FOXN4: variants seen among roughly 807,000 people sequenced by gnomAD.
FOXN4 encodes forkhead box N4.
A neutral mutation model predicts 45.0 loss-of-function variants in FOXN4; 12 were observed. The ratio of observed to expected loss-of-function variants is 0.27; its 90% CI spans 0.17 to 0.43. FOXN4 has a LOEUF of 0.43. FOXN4 is among the 20% of genes least tolerant of loss of function. The pLI, the probability that FOXN4 is intolerant of heterozygous loss-of-function variation, is 1.00. For missense variants in FOXN4, 560 were observed against 694.9 expected, an observed-to-expected ratio of 0.81 and a Z score of 2.18; for synonymous variants, 297 against 295.0, an observed-to-expected ratio of 1.01 and a Z score of -0.07.
At chr12:109,285,867 C>CTTTT (rs10685255) in intron 7 of FOXN4, among the ~76,000 whole-genome samples, 1 of 140,788 alleles carries the variant, frequency 7.1e-6, no homozygotes, top group Admixed American at 7.1e-5. Context: ...TGCAAATTTA[C>CTTTT]TTTTTTTTTT....
chr12:109,292,936 TA>T (rs552550598), intron 2 of FOXN4, among the ~76,000 whole-genome samples: 6 of 152,288 alleles, frequency 3.9e-5, no homozygotes, highest in Non-Finnish European at 8.8e-5. Context: ...TCAATGGCAC[TA>T]TCCTGATTCT....
At chr12:109,295,057 C>T (rs1235329426) in intron 2 of FOXN4, among the ~76,000 whole-genome samples, 1 of 152,172 alleles carries the variant, frequency 6.6e-6, no homozygotes, top group Non-Finnish European at 1.5e-5. Flanking sequence ...CTCAGTTTCC[C>T]ACCTGTAAAA....
Position 109,292,877 on chromosome 12 carries a change from G to C in FOXN4, c.87-2591C>G, listed in dbSNP as rs558599501. Among the ~76,000 whole-genome samples the C allele has an allele frequency of 2.6e-5, 4 of 152,240 alleles. No individual in the cohort carries two copies. The East Asian group carries it at 5.8e-4, about 22-fold the overall frequency. ...CCCTATAGAGTGAGGATTACACGAA[G>C]TCACGTATAAAGGGCTGAGCACAAG... is the stretch of plus-strand genomic sequence containing the variant. On this transcript the variant is annotated intron_variant, in intron 2 of 9. Coordinates refer to ENST00000299162, the MANE Select transcript of FOXN4 (RefSeq NM_213596.3).
intron 2 of FOXN4, among the ~76,000 whole-genome samples, chr12:109,307,871 G>A (rs368482185): frequency 3.4e-4 from 52 of 151,402 alleles, no homozygotes; most frequent in African/African-American, 9.0e-4. Flanking sequence ...CTCCCAGAAG[G>A]TTTTTTTTTG....
chr12:109,298,344 G>GT (rs71079539), intron 2 of FOXN4, among the ~76,000 whole-genome samples: 5,964 of 131,744 alleles, frequency 0.045, 346 homozygotes, highest in African/African-American at 0.14. Context: ...TTTTTTTTTT[G>GT]TTTTTTTTTT....
At chr12:109,282,698 A>C (rs1049037326) in intron 8 of FOXN4, among the ~76,000 whole-genome samples, 2 of 151,924 alleles carry the variant, frequency 1.3e-5, no homozygotes, top group African/African-American at 4.8e-5. Context: ...AATCCTTAAC[A>C]CTCTTGGATA....
At chr12:109,308,414 T>C (rs1422308298) in intron 1 of FOXN4, 90 bp from the exon 2 acceptor site, 5 of 830,670 alleles carry the variant, frequency 6.0e-6, no homozygotes, top group Non-Finnish European at 3.7e-6. Context: ...TTCAGAAAGA[T>C]GGAGCACAAT....
intron 8 of FOXN4, 30 bp downstream of exon 8, chr12:109,285,274 T>TGTGTGC (rs71443850): frequency 0.013 from 20,079 of 1,513,826 alleles, 68 homozygotes; most frequent in Middle Eastern, 0.016. Context: ...TGTGTGTGTG[T>TGTGTGC]GCGCGCACTG....
rs2047765825 is a variant in FOXN4, at chr12:109,291,308, G to A, written c.87-1022C>T. Among the ~76,000 whole-genome samples, 1 of 151,688 alleles carries A rather than the reference G, an allele frequency of 6.6e-6. No individual in the cohort carries two copies. The highest frequency in any genetic ancestry group is 1.5e-5 in the Non-Finnish European group (1 of 67,966). ...CCACCATCCGGGCCCTGTCGTGATG[G>A]TGCAGACCAGCCCAGGAGCACACGC... On this transcript the variant is annotated intron_variant, in intron 2 of 9. Coordinates refer to ENST00000299162, the MANE Select transcript of FOXN4 (RefSeq NM_213596.3). This position sits in a 1 kb window ranked among gnomAD's most constrained non-coding sequence, Gnocchi z 6.6.
rs1358103349 is a variant in FOXN4 at position 109,290,130 on chromosome 12, C to G, written c.232+11G>C. ...CACCCTCCTCCCTGCCTACCTTGTC[C>G]CTGAGCCTACCTGGGTGTGGATGTG... On this transcript the variant is annotated intron_variant, in intron 3 of 9. Transcript: ENST00000299162. The surrounding 1 kb of genome is among the most constrained non-coding windows in gnomAD (Gnocchi z 5.1). 6.5e-7 allele frequency: 1 copy of G among 1,538,592 alleles called. No individual in the cohort carries two copies. The highest frequency in any genetic ancestry group is 8.8e-7 in the Non-Finnish European group (1 of 1,139,892).
In FOXN4 at chr12:109,285,361, T is replaced by A; in HGVS notation, c.844A>T (p.Met282Leu). 1 of 1,613,908 alleles carries A rather than the reference T, an allele frequency of 6.2e-7. No homozygotes were observed. The highest frequency in any genetic ancestry group is 1.1e-5 in the South Asian group (1 of 91,052). The change falls in exon 8 of 10, where the codon ATG becomes TTG. Residue 282 changes from methionine (M) to leucine (L), a missense_variant. Coordinates refer to ENST00000299162, the MANE Select transcript of FOXN4 (RefSeq NM_213596.3). ...AGGTCCTTCCTCTTCCACTTGTGCA[T>A]CTCCTCCTCCATCTTGTCGATGCGG... ...LARIDKMEEE[M>L]HKWKRKDLAA...
At chr12:109,303,083 A>G (rs1365888954) in intron 2 of FOXN4, among the ~76,000 whole-genome samples, 1 of 152,182 alleles carries the variant, frequency 6.6e-6, no homozygotes, top group Non-Finnish European at 1.5e-5. Flanking sequence ...CCTTTCTAGA[A>G]CAAGAGTTGG....
intron 8 of FOXN4, 129 bp from the exon 9 acceptor site, chr12:109,281,928 C>CT: frequency 9.4e-7 from 1 of 1,065,678 alleles, no homozygotes; most frequent in South Asian, 1.7e-5. Flanking sequence ...CTCAGAACCT[C>CT]TGTCTCCTCA....
In FOXN4 at chr12:109,287,724, G is replaced by C. The variant is rs1241634466; in HGVS notation, c.468+120C>G. 8.9e-7 allele frequency: 1 copy of C among 1,125,302 alleles called. No individual in the cohort carries two copies. Among genetic ancestry groups the C allele is most frequent in the Non-Finnish European group, 1.2e-6 (1 of 810,808 alleles). The allele number at this position is 1,125,302 out of a possible 1,614,324, so 69.7% of individuals were successfully genotyped here. A position where few individuals can be genotyped will look rare whatever the true frequency, so the allele number is the denominator to read the frequency against. ...CGGAATGAATGACCCCATGACATGA[G>C]CATGGAGGGAATGTTATCCCCATGT... On this transcript the variant is annotated intron_variant, in intron 5 of 9. Transcript: ENST00000299162. This position sits in a 1 kb window ranked among gnomAD's most constrained non-coding sequence, Gnocchi z 4.1.
At chr12:109,284,545 T>TTGTGTGTGCGCACG (rs911238159) in intron 8 of FOXN4, among the ~76,000 whole-genome samples, 1 of 141,112 alleles carries the variant, frequency 7.1e-6, no homozygotes, top group Non-Finnish European at 1.6e-5. Context: ...CCTCTTCCAC[T>TTGTGTGTGCGCACG]TGTGTGTGCG....
chr12:109,288,125 G>A lies in FOXN4; in HGVS notation c.288C>T (p.Leu96=). The A allele has an allele frequency of 6.5e-7, 1 of 1,545,728 alleles. No homozygotes were observed. Among genetic ancestry groups the A allele is most frequent in the Non-Finnish European group, 8.7e-7 (1 of 1,145,572 alleles). The stretch of plus-strand genomic sequence containing the variant: ...GGGGGGCCATGCCTGCTGGGCCATG[G>A]AGAAGGGGACTTGGAGTGGCTCCCA... ...LHVGATPSPL[L]HGPAGMAPRG... Residue 96 remains leucine (L), a synonymous_variant, in exon 4 of 10, where the codon CTC becomes CTT. Coordinates refer to ENST00000299162, the MANE Select transcript of FOXN4 (RefSeq NM_213596.3). The surrounding 1 kb of genome is among the most constrained non-coding windows in gnomAD (Gnocchi z 4.3).
chr12:109,279,269 G>A lies in FOXN4; in HGVS notation c.*402C>T, dbSNP rs1029249224. 7.6e-6 allele frequency: 2 copies of A among 263,484 alleles called. No homozygotes were observed. Among genetic ancestry groups the A allele is most frequent in the African/African-American group, 4.3e-5 (2 of 46,002 alleles). The allele number at this position is 263,484 out of a possible 1,614,324, so 16.3% of individuals were successfully genotyped here. ...AATTCAAGGGCTTTCACCCCAGGGT[G>A]TTTCCTTAATGCACCAAGGTGTCCC... On this transcript the variant is annotated 3_prime_UTR_variant, in exon 10 of 10. Transcript: ENST00000299162.
At chr12:109,304,280 AAAGAAAGAAAGAAAG>A (rs1251429620) in intron 2 of FOXN4, among the ~76,000 whole-genome samples, 42 of 65,298 alleles carry the variant, frequency 6.4e-4, no homozygotes, top group African/African-American at 2.4e-3. Context: ...AGAAAGAAAG[AAAGAAAGAAAGAAAG>A]GAGAAAGAAA....
chr12:109,294,227 G>A (rs2047796242), intron 2 of FOXN4, among the ~76,000 whole-genome samples: 1 of 152,154 alleles, frequency 6.6e-6, no homozygotes, highest in Non-Finnish European at 1.5e-5. Flanking sequence ...TATGCTCTGG[G>A]GGAAGGACAG....
Sources: gnomAD v4.1 joint callset for allele counts (sites outside exome capture counted in the v4.1 genomes callset) on GRCh38, gnomAD v4.1.1 for gene constraint, Gnocchi (gnomAD v3.1) non-coding constraint, MANE v1.5 for transcripts, NCBI Gene and HGNC (gene_info 2026-07-23, HGNC 2026-07-21) for gene names.